RIPK1: variants seen among roughly 807,000 people sequenced by gnomAD.
The protein encoded by RIPK1 is receptor-interacting serine/threonine-protein kinase 1.
Under a neutral mutation model 62.4 loss-of-function variants are expected in RIPK1, and 27 were observed. That is an observed-to-expected ratio of 0.43 (90% CI 0.32 to 0.60). The LOEUF (loss-of-function observed/expected upper bound fraction) is 0.60. RIPK1 is among the 20% of genes least tolerant of loss of function. The pLI, the probability that RIPK1 is intolerant of heterozygous loss-of-function variation, is 0.07. For missense variants in RIPK1, 735 were observed against 831.0 expected (o/e 0.88, Z 1.42); for synonymous variants, 287 against 303.2 (o/e 0.95, Z 0.55).
intron 7 of RIPK1, among the ~76,000 whole-genome samples, chr6:3,098,091 C>T (rs1182334913): frequency 6.6e-6 from 1 of 152,182 alleles, no homozygotes; most frequent in African/African-American, 2.4e-5. Flanking sequence ...CCCAGCTACT[C>T]AGGAGGCTGA....
intron 2 of RIPK1, 87 bp downstream of exon 2, chr6:3,077,074 G>A (rs545330603): frequency 2.0e-4 from 258 of 1,301,538 alleles, no homozygotes; most frequent in Admixed American, 4.4e-4. Flanking sequence ...CTGCGGAGCC[G>A]TTGGTGGGTA....
At chr6:3,064,969 G>C (rs1171954386), upstream of RIPK1, among the ~76,000 whole-genome samples, 2 of 152,120 alleles carry the variant, frequency 1.3e-5, no homozygotes, top group Non-Finnish European at 1.5e-5. Context: ...CTGGTCGGGT[G>C]CGGTGGCTCA....
chr6:3,063,974 C>T, upstream of RIPK1: 1 of 152,482 alleles, frequency 6.6e-6, no homozygotes, highest in Middle Eastern at 3.1e-3. Context: ...AGTGGGAGTC[C>T]GCGGCGAGCG....
chr6:3,098,521 T>C (rs552618556), intron 7 of RIPK1, among the ~76,000 whole-genome samples: 158 of 152,320 alleles, frequency 1.0e-3, no homozygotes, highest in African/African-American at 3.7e-3. Flanking sequence ...ATGGAAAGAC[T>C]TGACATACTA....
upstream of RIPK1, chr6:3,068,137 G>A (rs1758466703): frequency 1.1e-6 from 1 of 877,802 alleles, no homozygotes; most frequent in East Asian, 1.2e-4. Flanking sequence ...CCATTTTAAA[G>A]GGCTGCAAAA....
At chr6:3,087,654 C>T (rs112375160) in intron 6 of RIPK1, among the ~76,000 whole-genome samples, 2,195 of 152,080 alleles carry the variant, frequency 0.014, 24 homozygotes, top group African/African-American at 0.03. Context: ...ATTTTCCTGC[C>T]TCAGCCTCCC....
chr6:3,084,607 T>TTTC (rs1554114457), intron 5 of RIPK1, among the ~76,000 whole-genome samples: 1 of 150,596 alleles, frequency 6.6e-6, no homozygotes, highest in African/African-American at 2.4e-5. Context: ...TTTTTTTTTT[T>TTTC]CCCGTGAGAC....
chr6:3,089,564 A>T lies in RIPK1; in HGVS notation c.839-17A>T, dbSNP rs754692133. 19 of 1,137,584 alleles carry T rather than the reference A, an allele frequency of 1.7e-5. No individual in the cohort carries two copies. The South Asian group carries it at 2.5e-4, about 15-fold the overall frequency. The allele number at this position is 1,137,584 out of a possible 1,614,324, so 70.5% of individuals were successfully genotyped here. The stretch of plus-strand genomic sequence containing the variant: ...AGAAAATAATTAAGAAATTTAAAGT[A>T]CATTTTACTTTTACAGGCATTGAAG... On this transcript the variant is annotated splice_polypyrimidine_tract_variant and intron_variant, in intron 6 of 10. Coordinates refer to ENST00000259808, the MANE Select transcript of RIPK1 (RefSeq NM_001354930.2).
At chr6:3,095,762 T>C (rs1760258380) in intron 7 of RIPK1, among the ~76,000 whole-genome samples, 1 of 152,066 alleles carries the variant, frequency 6.6e-6, no homozygotes, top group African/African-American at 2.4e-5. Context: ...TGCTAGCAAG[T>C]CAGAAAAGAA....
At chr6:3,097,725 T>C (rs1760386223) in intron 7 of RIPK1, among the ~76,000 whole-genome samples, 1 of 152,172 alleles carries the variant, frequency 6.6e-6, no homozygotes, top group Non-Finnish European at 1.5e-5. Context: ...TGGTAAGAAC[T>C]GATAAATTTT....
At position 3,072,136 on chromosome 6, in the gene RIPK1, G is replaced by C. The variant is rs1758747850; in HGVS notation, c.-61+3475G>C. Among the ~76,000 whole-genome samples, 1 of 152,190 alleles carries C rather than the reference G, an allele frequency of 6.6e-6. No individual in the cohort carries two copies. Among genetic ancestry groups the C allele is most frequent in the African/African-American group, 2.4e-5 (1 of 41,446 alleles). ...GTTCTATGTAATGCTACCAGGAACA[G>C]CTTTGCACATAATCTTTATCAGCAT... On this transcript the variant is annotated intron_variant, in intron 1 of 10. Coordinates refer to ENST00000259808, the MANE Select transcript of RIPK1 (RefSeq NM_001354930.2). The surrounding 1 kb of genome is among the most constrained non-coding windows in gnomAD (Gnocchi z 5.6).
chr6:3,068,484 C>T, upstream of RIPK1: 3 of 985,288 alleles, frequency 3.0e-6, no homozygotes, highest in Non-Finnish European at 3.6e-6. Flanking sequence ...GGGGAGGAGG[C>T]AGCGCGAACA....
chr6:3,087,045 G>A (rs1759733763), intron 6 of RIPK1, among the ~76,000 whole-genome samples: 2 of 152,110 alleles, frequency 1.3e-5, no homozygotes, highest in African/African-American at 4.8e-5. Flanking sequence ...TTTCCTTTCT[G>A]TTTAGAGAAC....
At chr6:3,112,928 A>G in intron 10 of RIPK1, 125 bp from the exon 11 acceptor site, 1 of 740,294 alleles carries the variant, frequency 1.4e-6, no homozygotes, top group South Asian at 2.5e-5. Flanking sequence ...CTATATAACT[A>G]AGAAGTTATC....
chr6:3,079,003 C>G (rs774316325), intron 3 of RIPK1, among the ~76,000 whole-genome samples: 5 of 151,824 alleles, frequency 3.3e-5, no homozygotes, highest in African/African-American at 2.4e-5. Context: ...GGCTTGAACT[C>G]CTGGCCTTAA....
At chr6:3,065,835 A>G (rs149563696), upstream of RIPK1, among the ~76,000 whole-genome samples, 443 of 152,228 alleles carry the variant, frequency 2.9e-3, 1 homozygote, top group African/African-American at 0.01. Flanking sequence ...CACAGTCTAC[A>G]CTCATGGCTT....
Position 3,113,437 on chromosome 6 carries a change from A to T in RIPK1, c.*98A>T, listed in dbSNP as rs112918512. ...AGCATTCAGAATTCTGTCCTCACTG[A>T]TAGGGGTTCTGTGTCTGCAGAAATT... is the stretch of plus-strand genomic sequence containing the variant. On this transcript the variant is annotated 3_prime_UTR_variant, in exon 11 of 11. Transcript: ENST00000259808. This position sits in a 1 kb window ranked among gnomAD's most constrained non-coding sequence, Gnocchi z 5.0. 2,340 of 1,167,800 alleles carry T rather than the reference A, an allele frequency of 2.0e-3. 55 individuals carry two copies. In the African/African-American group the frequency reaches 0.032, roughly 16 times the overall value. The allele number at this position is 1,167,800 out of a possible 1,614,324, so 72.3% of individuals were successfully genotyped here.
At chr6:3,069,668 T>C (rs1758592741) in intron 1 of RIPK1, among the ~76,000 whole-genome samples, 1 of 152,230 alleles carries the variant, frequency 6.6e-6, no homozygotes, top group Non-Finnish European at 1.5e-5. Context: ...CTGCATTCTG[T>C]GACTGCTAGG....
At chr6:3,064,086 G>A (rs961173168), upstream of RIPK1, 18 of 152,360 alleles carry the variant, frequency 1.2e-4, no homozygotes, top group African/African-American at 4.3e-4. Context: ...GCACGGCCGG[G>A]GTGGAGCACG....
Sources: allele counts gnomAD v4.1 joint callset (sites outside exome capture counted in the v4.1 genomes callset), GRCh38; gene constraint gnomAD v4.1.1; non-coding constraint Gnocchi (gnomAD v3.1); transcripts MANE v1.5; gene names NCBI Gene and HGNC (gene_info 2026-07-23, HGNC 2026-07-21).